PROS1: variants seen among roughly 807,000 people sequenced by gnomAD.
PROS1 encodes vitamin K-dependent protein S.
In PROS1, 29 loss-of-function variants were observed where a neutral mutation model predicts 75.9. The ratio of observed to expected loss-of-function variants is 0.38; its 90% CI spans 0.28 to 0.52. The LOEUF (loss-of-function observed/expected upper bound fraction) is 0.52, where lower values mean the gene tolerates loss of function less well. Among genes scored for constraint, PROS1 ranks in the 20% least tolerant of loss-of-function variants. The pLI, the probability that PROS1 is intolerant of heterozygous loss-of-function variation, is 0.83. For synonymous variants in PROS1, 245 were observed against 280.6 expected (o/e 0.87, Z 1.27); for missense variants, 680 against 810.3 (o/e 0.84, Z 1.95).
chr3:93,879,502 A>G (rs1450629481), intron 12 of PROS1, among the ~76,000 whole-genome samples, 188 bp from the exon 13 acceptor site: 4 of 152,208 alleles, frequency 2.6e-5, no homozygotes, highest in Non-Finnish European at 5.9e-5. Flanking sequence ...GGCAAGAAAC[A>G]TGCAAATGGA....
intron 3 of PROS1, among the ~76,000 whole-genome samples, chr3:93,912,703 C>T (rs541606554): frequency 2.0e-5 from 3 of 152,200 alleles, no homozygotes; most frequent in South Asian, 2.1e-4. Context: ...CTCATGAAGG[C>T]CCTCTTGCTA....
intron 11 of PROS1, among the ~76,000 whole-genome samples, 161 bp downstream of exon 11, chr3:93,886,175 T>A (rs1235669324): frequency 6.6e-6 from 1 of 152,202 alleles, no homozygotes; most frequent in African/African-American, 2.4e-5. Flanking sequence ...TAATATAATT[T>A]CAAGGGTTAC....
chr3:93,904,676 A>G (rs1164335806), intron 6 of PROS1, among the ~76,000 whole-genome samples: 2 of 152,156 alleles, frequency 1.3e-5, no homozygotes, highest in Non-Finnish European at 2.9e-5. Context: ...TGGATATTAT[A>G]TTGTATCCAG....
intron 1 of PROS1, among the ~76,000 whole-genome samples, chr3:93,957,561 T>C (rs926364086): frequency 3.3e-5 from 5 of 152,202 alleles, no homozygotes; most frequent in African/African-American, 1.2e-4. Context: ...GGACTTCATA[T>C]GTTCTCAACA....
chr3:93,930,372 G>T (rs1035074792), intron 1 of PROS1, among the ~76,000 whole-genome samples: 4 of 152,118 alleles, frequency 2.6e-5, no homozygotes, highest in African/African-American at 9.7e-5. Flanking sequence ...AAAAAATTTG[G>T]ACTTTTTGAA....
At chr3:93,939,235 T>C (rs1239393219) in intron 1 of PROS1, among the ~76,000 whole-genome samples, 2 of 152,128 alleles carry the variant, frequency 1.3e-5, no homozygotes, top group African/African-American at 4.8e-5. Flanking sequence ...AATGAGCAAA[T>C]GGTCTGAGGT....
intron 1 of PROS1, among the ~76,000 whole-genome samples, chr3:93,935,041 T>C (rs1169242475): frequency 1.3e-5 from 2 of 152,018 alleles, no homozygotes; most frequent in Non-Finnish European, 2.9e-5. Flanking sequence ...ACAGCAAATA[T>C]CTTTACTCGA....
chr3:93,960,948 AC>A (rs1166503295), intron 1 of PROS1, among the ~76,000 whole-genome samples: 1 of 152,096 alleles, frequency 6.6e-6, no homozygotes, highest in Non-Finnish European at 1.5e-5. Context: ...AGAAAAAAAA[AC>A]AAAGGCGGTT....
intron 1 of PROS1, among the ~76,000 whole-genome samples, chr3:93,938,738 C>T (rs752372276): frequency 1.3e-5 from 2 of 152,222 alleles, no homozygotes; most frequent in Non-Finnish European, 2.9e-5. Flanking sequence ...GGACCCAAAA[C>T]TCTGGTGCTG....
At chr3:93,947,048 C>G (rs1157108316) in intron 1 of PROS1, among the ~76,000 whole-genome samples, 1 of 152,120 alleles carries the variant, frequency 6.6e-6, no homozygotes, top group Admixed American at 6.6e-5. Flanking sequence ...ATTTATGCAG[C>G]CAACAGACAC....
intron 6 of PROS1, among the ~76,000 whole-genome samples, chr3:93,904,062 G>A (rs554823049): frequency 4.5e-4 from 67 of 147,832 alleles, no homozygotes; most frequent in Admixed American, 1.5e-3. Context: ...GAGAATATGC[G>A]GTGTTTGGTT....
intron 3 of PROS1, among the ~76,000 whole-genome samples, chr3:93,912,833 C>A (rs1708779847): frequency 6.6e-6 from 1 of 152,138 alleles, no homozygotes; most frequent in African/African-American, 2.4e-5. Flanking sequence ...ATGACCTAAA[C>A]ACCTCCCATT....
intron 3 of PROS1, among the ~76,000 whole-genome samples, chr3:93,923,860 C>T (rs919019036): frequency 6.6e-6 from 1 of 151,822 alleles, no homozygotes; most frequent in African/African-American, 2.4e-5. Flanking sequence ...TGAGAGCAGG[C>T]CACAGCACTC....
intron 1 of PROS1, among the ~76,000 whole-genome samples, chr3:93,959,943 T>A (rs956870268): frequency 5.9e-5 from 9 of 152,236 alleles, no homozygotes; most frequent in Admixed American, 4.6e-4. Flanking sequence ...CATAGTAAAT[T>A]ATGCCCTCCC....
At chr3:93,962,961 A>G (rs1709728766) in intron 1 of PROS1, among the ~76,000 whole-genome samples, 1 of 152,246 alleles carries the variant, frequency 6.6e-6, no homozygotes, top group African/African-American at 2.4e-5. Context: ...GATGGGAACC[A>G]TAGTAAGAGA....
At chr3:93,877,400 TA>T (rs1559927567) in intron 13 of PROS1, among the ~76,000 whole-genome samples, 1 of 152,178 alleles carries the variant, frequency 6.6e-6, no homozygotes, top group East Asian at 1.9e-4. Context: ...ACATTAGTTT[TA>T]CAAACTCAAA....
intron 1 of PROS1, among the ~76,000 whole-genome samples, chr3:93,959,806 T>C (rs985785790): frequency 1.3e-5 from 2 of 152,242 alleles, no homozygotes; most frequent in African/African-American, 4.8e-5. Context: ...TAATTTCTAA[T>C]GTAACAACAG....
intron 9 of PROS1, among the ~76,000 whole-genome samples, chr3:93,894,750 A>T (rs187140842): frequency 6.6e-6 from 1 of 152,308 alleles, no homozygotes; most frequent in African/African-American, 2.4e-5. Flanking sequence ...TGCAAAAATA[A>T]ATAAAAGCAC....
chr3:93,948,777 C>T (rs776800021), intron 1 of PROS1, among the ~76,000 whole-genome samples: 36 of 152,176 alleles, frequency 2.4e-4, no homozygotes, highest in African/African-American at 3.9e-4. Context: ...GATCTGCTCA[C>T]ATTTATTTTA....
Sources: gnomAD v4.1 joint callset for allele counts (sites outside exome capture counted in the v4.1 genomes callset) on GRCh38, gnomAD v4.1.1 for gene constraint, MANE v1.5 for transcripts, NCBI Gene and HGNC (gene_info 2026-07-23, HGNC 2026-07-21) for gene names.